PCDHGB1: variants seen among roughly 807,000 people sequenced by gnomAD.
PCDHGB1 encodes the protein protocadherin gamma subfamily B, 1, also known as protocadherin gamma-B1.
PCDHGB1 carries 34 observed loss-of-function variants against 56.6 expected under a neutral mutation model. The observed-to-expected ratio is 0.60, with a 90% CI of 0.46 to 0.80. PCDHGB1 has a LOEUF of 0.80. Among genes scored for constraint, PCDHGB1 ranks in the 30% least tolerant of loss-of-function variants. The probability of loss-of-function intolerance (pLI) is 0.00; values close to 1 mark genes in which losing one functional copy is unlikely to be tolerated. For missense variants in PCDHGB1, 1,278 were observed against 1,204.6 expected, an observed-to-expected ratio of 1.06 and a Z score of -0.90; for synonymous variants, 561 against 505.9, an observed-to-expected ratio of 1.11 and a Z score of -1.46.
chr5:141,464,419 A>C (rs2099083824), intron 1 of PCDHGB1, among the ~76,000 whole-genome samples: 1 of 151,658 alleles, frequency 6.6e-6, no homozygotes, highest in Non-Finnish European at 1.5e-5. Flanking sequence ...ATATATCTAT[A>C]TATATAGATA....
At chr5:141,414,400 G>C (rs768269499) in intron 1 of PCDHGB1, 1 of 1,613,878 alleles carries the variant, frequency 6.2e-7, no homozygotes, top group Admixed American at 1.7e-5. Context: ...TTACAGATTG[G>C]TGATACACAG....
At chr5:141,356,826 CA>C in intron 1 of PCDHGB1, 1 of 1,614,136 alleles carries the variant, frequency 6.2e-7, no homozygotes, top group Non-Finnish European at 8.5e-7. Flanking sequence ...ACCCTCCACT[CA>C]GCAGCAATGT....
Position 141,351,159 on chromosome 5 carries a change from AT to A in PCDHGB1, c.900del (p.Asn300LysfsTer14). On this transcript the variant is annotated frameshift_variant, in exon 1 of 4. Transcript: ENST00000523390. LOFTEE classifies it high-confidence loss of function. ...LNPNTGDITT[N>X]GTLDFEETSR... ...CCAAATACTGGCGACATCACAACCAATGGCACATTGGATTTTGAAGAGACAA... is the reference window on the plus strand; with the variant it reads ...CCAAATACTGGCGACATCACAACCAAGGCACATTGGATTTTGAAGAGACAA... The A allele has an allele frequency of 6.2e-7, 1 of 1,614,042 alleles. No individual in the cohort carries two copies. Among genetic ancestry groups the A allele is most frequent in the South Asian group, 1.1e-5 (1 of 91,084 alleles).
intron 1 of PCDHGB1, chr5:141,404,265 T>A: frequency 6.2e-7 from 1 of 1,613,998 alleles, no homozygotes; most frequent in Non-Finnish European, 8.5e-7. Context: ...GAAATTCACA[T>A]CACCCTGCAA....
chr5:141,375,938 G>A (rs1772064836), intron 1 of PCDHGB1: 1 of 1,613,558 alleles, frequency 6.2e-7, no homozygotes, highest in African/African-American at 1.3e-5. Flanking sequence ...ACTTTTCTCA[G>A]TGGGCCTGCA....
chr5:141,363,785 C>G (rs1268075171), intron 1 of PCDHGB1, among the ~76,000 whole-genome samples: 1 of 152,020 alleles, frequency 6.6e-6, no homozygotes, highest in Non-Finnish European at 1.5e-5. Context: ...CTAAATTTAT[C>G]CTAATAAGGA....
At chr5:141,415,386 A>G (rs1383734863) in intron 1 of PCDHGB1, 9 of 1,614,156 alleles carry the variant, frequency 5.6e-6, no homozygotes, top group Non-Finnish European at 7.6e-6. Flanking sequence ...GCGGCTTGAC[A>G]GGTGTGTCCG....
At chr5:141,495,240 C>T (rs2099759761) in intron 2 of PCDHGB1, among the ~76,000 whole-genome samples, 1 of 152,182 alleles carries the variant, frequency 6.6e-6, no homozygotes, top group South Asian at 2.1e-4. Context: ...TCCATTATGA[C>T]CTGGGGCTCA....
At chr5:141,430,680 C>T (rs990086941) in intron 1 of PCDHGB1, 1 of 1,343,242 alleles carries the variant, frequency 7.4e-7, no homozygotes, top group Non-Finnish European at 1.0e-6. Flanking sequence ...TCCCAACTGT[C>T]CCATTCTATG....
rs777566456 is a variant in PCDHGB1, at chr5:141,405,216, A to G, written c.2409+52547A>G. On this transcript the variant is annotated intron_variant, in intron 1 of 3. Coordinates refer to ENST00000523390, the MANE Select transcript of PCDHGB1 (RefSeq NM_018922.3). ...CGAGCTTTCCTACAGACCTATTCTCAGGAGTTCTCCCTCACCGCTGACTCA... is the reference window on the plus strand; with the variant it reads ...CGAGCTTTCCTACAGACCTATTCTCGGGAGTTCTCCCTCACCGCTGACTCA... 27 of 1,613,806 alleles carry G rather than the reference A, an allele frequency of 1.7e-5. No individual in the cohort carries two copies. In the Admixed American group the frequency reaches 2.7e-4, roughly 16 times the overall value.
In PCDHGB1 at chr5:141,432,012, A is replaced by G. The variant is rs756906117; in HGVS notation, c.2410-62795A>G. ...TTGGATAGGGAACAGGTTCCTAGCT[A>G]CAACATCACAGTGACCGCCACTGAC... On this transcript the variant is annotated intron_variant, in intron 1 of 3. Transcript: ENST00000523390. The surrounding 1 kb of genome is among the most constrained non-coding windows in gnomAD (Gnocchi z 6.0). The G allele has an allele frequency of 1.1e-5, 18 of 1,614,056 alleles. No homozygotes were observed. The highest frequency in any genetic ancestry group is 1.3e-5 in the Non-Finnish European group (15 of 1,180,008).
intron 1 of PCDHGB1, chr5:141,404,061 A>G (rs375910829): frequency 9.9e-6 from 16 of 1,613,906 alleles, no homozygotes; most frequent in African/African-American, 4.0e-5. Flanking sequence ...CTTCTTTTCA[A>G]TGCTCATGAC....
At chr5:141,478,050 C>G (rs2099429383) in intron 1 of PCDHGB1, 2 of 1,614,184 alleles carry the variant, frequency 1.2e-6, no homozygotes, top group South Asian at 2.2e-5. Context: ...CAGACTCTCA[C>G]GGTCTTGATC....
chr5:141,388,525 C>T (rs780990884), intron 1 of PCDHGB1: 2 of 1,613,854 alleles, frequency 1.2e-6, no homozygotes, highest in Non-Finnish European at 8.5e-7. Flanking sequence ...ACTTTGACTG[C>T]CTTGGACTTT....
At chr5:141,410,363 C>T (rs1341289640) in intron 1 of PCDHGB1, 6 of 1,614,068 alleles carry the variant, frequency 3.7e-6, no homozygotes, top group Non-Finnish European at 3.4e-6. Flanking sequence ...CTCTCTCAGC[C>T]CTGCTACTTG....
At chr5:141,404,516 T>G (rs968433488) in intron 1 of PCDHGB1, 1 of 1,613,754 alleles carries the variant, frequency 6.2e-7, no homozygotes, top group African/African-American at 1.3e-5. Flanking sequence ...CTCCTTTGAC[T>G]ATGAGCAGTT....
At chr5:141,371,714 G>A (rs1286462285) in intron 1 of PCDHGB1, 1 of 1,613,920 alleles carries the variant, frequency 6.2e-7, no homozygotes, top group Non-Finnish European at 8.5e-7. Context: ...CCATCACTCT[G>A]CACATCCTTG....
intron 1 of PCDHGB1, chr5:141,423,202 G>T: frequency 6.2e-7 from 1 of 1,613,618 alleles, no homozygotes; most frequent in Non-Finnish European, 8.5e-7. Flanking sequence ...CTCGGCCACC[G>T]TCACGCTCAC....
At chr5:141,361,454 T>G (rs780424534) in intron 1 of PCDHGB1, 1 of 1,614,026 alleles carries the variant, frequency 6.2e-7, no homozygotes, top group Non-Finnish European at 8.5e-7. Context: ...ATTGTCACCC[T>G]GCACATCTCC....
Sources: gnomAD v4.1 joint callset for allele counts (sites outside exome capture counted in the v4.1 genomes callset) on GRCh38, gnomAD v4.1.1 for gene constraint, Gnocchi (gnomAD v3.1) non-coding constraint, MANE v1.5 for transcripts, NCBI Gene and HGNC (gene_info 2026-07-23, HGNC 2026-07-21) for gene names.